The following DNM1 variants were observed in gnomAD, a reference collection of about 807,000 sequenced individuals.
DNM1 encodes the protein dynamin-1.
DNM1 carries 29 observed loss-of-function variants against 104.6 expected under a neutral mutation model. That is an observed-to-expected ratio of 0.28 (90% CI 0.21 to 0.38). The LOEUF is 0.38. Among genes scored for constraint, DNM1 ranks in the 10% least tolerant of loss-of-function variants. DNM1 has a pLI of 1.00. For missense variants in DNM1, 640 were observed against 1,189.4 expected (o/e 0.54, Z 6.79); for synonymous variants, 445 against 475.8 (o/e 0.94, Z 0.84).
At chr9:128,228,853 C>T (rs1272206402) in intron 10 of DNM1, among the ~76,000 whole-genome samples, 3 of 151,852 alleles carry the variant, frequency 2.0e-5, no homozygotes, top group African/African-American at 7.3e-5. Context: ...CATGGTGGCA[C>T]GTGCCTGTAG....
At chr9:128,238,192 A>T (rs1324656227) in intron 11 of DNM1, among the ~76,000 whole-genome samples, 1 of 151,488 alleles carries the variant, frequency 6.6e-6, no homozygotes, top group Non-Finnish European at 1.5e-5. Flanking sequence ...TGTCATGCTG[A>T]TCATTTAAAA....
At chr9:128,219,673 G>GA (rs1418629825) in intron 4 of DNM1, among the ~76,000 whole-genome samples, 4 of 143,816 alleles carry the variant, frequency 2.8e-5, no homozygotes, top group Admixed American at 1.4e-4. Context: ...TCTCAAAAAA[G>GA]AAAAAAAGGC....
In DNM1 at chr9:128,222,063, G is replaced by A. The variant is rs2131171765; in HGVS notation, c.850-134G>A. 5 of 1,048,704 alleles carry A rather than the reference G, an allele frequency of 4.8e-6. 1 individual carries two copies. In the South Asian group the frequency reaches 9.1e-5, roughly 19 times the overall value. The allele number at this position is 1,048,704 out of a possible 1,614,324, so 65.0% of individuals were successfully genotyped here. ...TCTATGAACCAGTTTTCTTGCTAGT[G>A]GCCCGGGCAGCAGTGGCAGGGCTGC... On this transcript the variant is annotated intron_variant, in intron 6 of 21. Coordinates refer to ENST00000372923, the MANE Select transcript of DNM1 (RefSeq NM_004408.4). This position sits in a 1 kb window ranked among gnomAD's most constrained non-coding sequence, Gnocchi z 7.8.
At position 128,219,315 on chromosome 9, in the gene DNM1, G is replaced by A. The variant is rs1339738348; in HGVS notation, c.589+63G>A. 6 of 1,409,752 alleles carry A rather than the reference G, an allele frequency of 4.3e-6. No individual in the cohort carries two copies. In the South Asian group the frequency reaches 5.8e-5, roughly 14 times the overall value. 87.3% of individuals were successfully genotyped at this position (1,409,752 alleles called of 1,614,324 possible). On this transcript the variant is annotated intron_variant, in intron 4 of 21. Transcript: ENST00000372923. ...GGCTTGCAGGCTGTCTATTCTTAGT[G>A]TAAAGGGGAGCCTCTGAACGGTCTA...
chr9:128,213,091 T>C (rs1014927544), intron 1 of DNM1, among the ~76,000 whole-genome samples: 11 of 152,318 alleles, frequency 7.2e-5, no homozygotes, highest in African/African-American at 1.7e-4. Context: ...TCTTTTTGTT[T>C]GTTTGTTTGA....
intron 10 of DNM1, chr9:128,225,978 T>TCTCCTCCCCACCCACGGCTGCTC: frequency 6.3e-7 from 1 of 1,575,664 alleles, no homozygotes; most frequent in Non-Finnish European, 8.7e-7. Flanking sequence ...TTCACCCACT[T>TCTCCTCCCCACCCACGGCTGCTC]CTCCTCCCCA....
At chr9:128,230,243 T>TA (rs1233653216) in intron 10 of DNM1, among the ~76,000 whole-genome samples, 44 of 141,444 alleles carry the variant, frequency 3.1e-4, no homozygotes, top group African/African-American at 1.1e-3. Flanking sequence ...AATTAAAAAT[T>TA]AAAAAAAAAG....
At chr9:128,238,432 C>T (rs574946770) in intron 11 of DNM1, among the ~76,000 whole-genome samples, 2 of 151,986 alleles carry the variant, frequency 1.3e-5, no homozygotes, top group African/African-American at 4.8e-5. Flanking sequence ...CCATGTTGGT[C>T]AGGCTGGTCT....
At position 128,220,649 on chromosome 9, in the gene DNM1, G is replaced by A. The variant is rs1248258807; in HGVS notation, c.849+308G>A. 1.3e-5 allele frequency among the ~76,000 whole-genome samples: 2 copies of A among 151,494 alleles called. No individual in the cohort carries two copies. The highest frequency in any genetic ancestry group is 4.0e-4 in the East Asian group (2 of 5,058). Reference sequence around the variant, plus strand: ...TGGGGGCCAGGATTCAAGTATACTCGGCTGAAGACCTTGACAGGGAATCCC... The same window carrying A: ...TGGGGGCCAGGATTCAAGTATACTCAGCTGAAGACCTTGACAGGGAATCCC... On this transcript the variant is annotated intron_variant, in intron 6 of 21. Transcript: ENST00000372923. This position sits in a 1 kb window ranked among gnomAD's most constrained non-coding sequence, Gnocchi z 5.2.
At position 128,218,852 on chromosome 9, in the gene DNM1, T is replaced by G; in HGVS notation, c.385+121T>G. 1 of 1,384,984 alleles carries G rather than the reference T, an allele frequency of 7.2e-7. No homozygotes were observed. The highest frequency in any genetic ancestry group is 9.7e-7 in the Non-Finnish European group (1 of 1,035,432). 85.8% of individuals were successfully genotyped at this position (1,384,984 alleles called of 1,614,324 possible). A position where few individuals can be genotyped will look rare whatever the true frequency, so the allele number is the denominator to read the frequency against. Reference sequence around the variant, plus strand: ...TGACCCTGCCTCTGCATCATCCTATTCCAAGCTCCACCCTGCCGTGATTCC... The same window carrying G: ...TGACCCTGCCTCTGCATCATCCTATGCCAAGCTCCACCCTGCCGTGATTCC... On this transcript the variant is annotated intron_variant, in intron 3 of 21. Transcript: ENST00000372923. This position sits in a 1 kb window ranked among gnomAD's most constrained non-coding sequence, Gnocchi z 4.8.
chr9:128,250,472 GGGGCGGAGCTTAGAGA>G, intron 20 of DNM1, 116 bp downstream of exon 20: 1 of 1,211,496 alleles, frequency 8.3e-7, no homozygotes, highest in Non-Finnish European at 1.1e-6. Context: ...CCTGGAGCGA[GGGGCGGAGCTTAGAGA>G]GGGCGGGGCT....
At chr9:128,213,350 G>T (rs1834420323) in intron 1 of DNM1, among the ~76,000 whole-genome samples, 2 of 152,134 alleles carry the variant, frequency 1.3e-5, no homozygotes, top group African/African-American at 4.8e-5. Flanking sequence ...CCAAAGTGTT[G>T]GGATTACAGG....
At position 128,218,802 on chromosome 9, in the gene DNM1, C is replaced by A. The variant is rs1834767618; in HGVS notation, c.385+71C>A. The stretch of plus-strand genomic sequence containing the variant: ...GCCACGCACCTCTGCGTGCCTCGCT[C>A]CTCCTGCAGACTCCGCCCCTAGAAT... On this transcript the variant is annotated intron_variant, in intron 3 of 21. Coordinates refer to ENST00000372923, the MANE Select transcript of DNM1 (RefSeq NM_004408.4). The surrounding 1 kb of genome is among the most constrained non-coding windows in gnomAD (Gnocchi z 4.8). 3 of 1,497,554 alleles carry A rather than the reference C, an allele frequency of 2.0e-6. No individual in the cohort carries two copies. Among genetic ancestry groups the A allele is most frequent in the South Asian group, 2.6e-5 (2 of 77,400 alleles). 92.8% of individuals were successfully genotyped at this position (1,497,554 alleles called of 1,614,324 possible).
chr9:128,219,548 G>A (rs1304370634), intron 4 of DNM1, among the ~76,000 whole-genome samples: 1 of 152,132 alleles, frequency 6.6e-6, no homozygotes, highest in East Asian at 1.9e-4. Context: ...GCACGCTTGT[G>A]GTCCCAGCTA....
intron 1 of DNM1, among the ~76,000 whole-genome samples, chr9:128,206,250 C>A (rs762857601): frequency 3.3e-5 from 5 of 152,210 alleles, no homozygotes; most frequent in Non-Finnish European, 7.3e-5. Context: ...CCCACCCGGG[C>A]TTCTGGGTGC....
chr9:128,247,343 C>A lies in DNM1; in HGVS notation c.1782-32C>A. ...CCCCCAGGGAGGGTCAGACTTTGCCCATCTGCCCTCACTGCCTGCCCTATC... is the reference window on the plus strand; with the variant it reads ...CCCCCAGGGAGGGTCAGACTTTGCCAATCTGCCCTCACTGCCTGCCCTATC... On this transcript the variant is annotated intron_variant, in intron 16 of 21. Coordinates refer to ENST00000372923, the MANE Select transcript of DNM1 (RefSeq NM_004408.4). The surrounding 1 kb of genome is among the most constrained non-coding windows in gnomAD (Gnocchi z 5.1). 2 of 1,526,072 alleles carry A rather than the reference C, an allele frequency of 1.3e-6. No individual in the cohort carries two copies. The highest frequency in any genetic ancestry group is 2.3e-5 in the East Asian group (1 of 43,478). 94.5% of individuals were successfully genotyped at this position (1,526,072 alleles called of 1,614,324 possible).
At chr9:128,231,004 T>C (rs991109445) in intron 10 of DNM1, among the ~76,000 whole-genome samples, 2 of 151,612 alleles carry the variant, frequency 1.3e-5, no homozygotes, top group African/African-American at 4.9e-5. Context: ...GATTTCACCA[T>C]GTTAGCCAGG....
At chr9:128,207,905 G>A (rs1282722677) in intron 1 of DNM1, among the ~76,000 whole-genome samples, 3 of 151,986 alleles carry the variant, frequency 2.0e-5, no homozygotes, top group African/African-American at 4.8e-5. Context: ...TCCAGGGTAG[G>A]GTAGGGGTCC....
intron 1 of DNM1, among the ~76,000 whole-genome samples, chr9:128,207,341 G>A (rs1045731786): frequency 2.0e-5 from 3 of 152,054 alleles, no homozygotes; most frequent in Admixed American, 6.6e-5. Flanking sequence ...TTAAACCCGA[G>A]AGTAGATGAG....
Sources: gnomAD v4.1 joint callset for allele counts (sites outside exome capture counted in the v4.1 genomes callset) on GRCh38, gnomAD v4.1.1 for gene constraint, Gnocchi (gnomAD v3.1) non-coding constraint, MANE v1.5 for transcripts, NCBI Gene and HGNC (gene_info 2026-07-23, HGNC 2026-07-21) for gene names.